The following PHLPP1 variants were observed in gnomAD, a reference collection of about 807,000 sequenced individuals.
PHLPP1 encodes PH domain and leucine rich repeat protein phosphatase 1, also known as PH domain leucine-rich repeat-containing protein phosphatase 1.
PHLPP1 carries 42 observed loss-of-function variants against 117.2 expected under a neutral mutation model. That is an observed-to-expected ratio of 0.36 (90% confidence interval 0.28 to 0.46). The LOEUF is 0.46. Ranked by LOEUF, PHLPP1 falls within the 20% of genes least tolerant of loss-of-function variation. The probability of loss-of-function intolerance (pLI) is 1.00; values close to 1 mark genes in which losing one functional copy is unlikely to be tolerated. For synonymous variants in PHLPP1, 1,042 were observed against 970.7 expected, an observed-to-expected ratio of 1.07 and a Z score of -1.37; for missense variants, 2,084 against 2,241.9, an observed-to-expected ratio of 0.93 and a Z score of 1.42.
chr18:62,880,922 T>C (rs1470242622), intron 4 of PHLPP1, among the ~76,000 whole-genome samples: 1 of 152,232 alleles, frequency 6.6e-6, no homozygotes, highest in Non-Finnish European at 1.5e-5. Context: ...TTCCACTGCG[T>C]ACCTCCCTCT....
intron 4 of PHLPP1, among the ~76,000 whole-genome samples, chr18:62,891,664 C>T (rs1198679161): frequency 6.7e-6 from 1 of 148,400 alleles, no homozygotes; most frequent in Admixed American, 6.8e-5. Flanking sequence ...CCAAGACAGG[C>T]AGATTGCTTG....
At chr18:62,757,800 C>G (rs759005559) in intron 1 of PHLPP1, among the ~76,000 whole-genome samples, 2 of 152,188 alleles carry the variant, frequency 1.3e-5, no homozygotes, top group African/African-American at 2.4e-5. Flanking sequence ...GCGGCTTGCT[C>G]TTTCACCTGC....
intron 1 of PHLPP1, among the ~76,000 whole-genome samples, chr18:62,828,880 C>T (rs1914680753): frequency 6.6e-6 from 1 of 152,284 alleles, no homozygotes; most frequent in East Asian, 1.9e-4. Flanking sequence ...ATTAACTTAT[C>T]TCTGGGCAGA....
At chr18:62,818,989 T>G (rs1914369220) in intron 1 of PHLPP1, among the ~76,000 whole-genome samples, 1 of 152,222 alleles carries the variant, frequency 6.6e-6, no homozygotes, top group Non-Finnish European at 1.5e-5. Flanking sequence ...TTTCCAACAT[T>G]AATGTACAAT....
At chr18:62,756,689 ACTTTTT>A (rs1912031786) in intron 1 of PHLPP1, among the ~76,000 whole-genome samples, 1 of 152,196 alleles carries the variant, frequency 6.6e-6, no homozygotes, top group South Asian at 2.1e-4. Flanking sequence ...AGAAACGGAT[ACTTTTT>A]CTTAAGAAAA....
At chr18:62,721,679 T>G (rs1006677900) in intron 1 of PHLPP1, among the ~76,000 whole-genome samples, 2 of 152,142 alleles carry the variant, frequency 1.3e-5, no homozygotes, top group Non-Finnish European at 2.9e-5. Context: ...ATTCCTAAAT[T>G]CGTGTGTCTT....
intron 4 of PHLPP1, among the ~76,000 whole-genome samples, chr18:62,865,975 C>G (rs922557416): frequency 2.6e-5 from 4 of 152,136 alleles, no homozygotes; most frequent in Middle Eastern, 3.4e-3. Context: ...TGCAACAAAC[C>G]CTCATGACAC....
At chr18:62,807,268 A>T (rs1213099578) in intron 1 of PHLPP1, among the ~76,000 whole-genome samples, 1 of 152,148 alleles carries the variant, frequency 6.6e-6, no homozygotes, top group Non-Finnish European at 1.5e-5. Flanking sequence ...AATCGGTCTT[A>T]GTTTTTCCAG....
At chr18:62,742,190 G>A (rs1003822948) in intron 1 of PHLPP1, among the ~76,000 whole-genome samples, 8 of 152,096 alleles carry the variant, frequency 5.3e-5, no homozygotes, top group African/African-American at 1.4e-4. Context: ...TCAGTAGGAG[G>A]GAGAAAAGAG....
Position 62,978,439 on chromosome 18 carries a change from G to A in PHLPP1, c.4162G>A (p.Ala1388Thr). ...CCTGTCCGTCGAGGAGGCCGTGGAA[G>A]CCGTGCGCAACGTGCCCGATGCCCT... ...DSLSVEEAVE[A>T]VRNVPDALAA... The change falls in exon 17 of 17, where the codon GCC (alanine) becomes ACC (threonine). Residue 1388 changes from alanine (A) to threonine (T), a missense_variant. Coordinates refer to ENST00000262719, the MANE Select transcript of PHLPP1 (RefSeq NM_194449.4). This position sits in a 1 kb window ranked among gnomAD's most constrained non-coding sequence, Gnocchi z 7.0. The A allele has an allele frequency of 1.2e-6, 2 of 1,611,824 alleles. No individual in the cohort carries two copies. The highest frequency in any genetic ancestry group is 1.7e-6 in the Non-Finnish European group (2 of 1,179,070).
intron 2 of PHLPP1, 79 bp downstream of exon 2, chr18:62,830,310 A>C: frequency 3.5e-6 from 4 of 1,148,820 alleles, no homozygotes; most frequent in Non-Finnish European, 4.9e-6. Context: ...GCGTGGTCTC[A>C]ACTCACTGCA....
chr18:62,934,733 T>C (rs1568166488), intron 10 of PHLPP1, among the ~76,000 whole-genome samples: 1 of 152,212 alleles, frequency 6.6e-6, no homozygotes, highest in Non-Finnish European at 1.5e-5. Context: ...TACTTGAACT[T>C]AACTTACCCC....
rs181554641 is a variant in PHLPP1, at chr18:62,940,428, G to A, written c.2961-1290G>A. On this transcript the variant is annotated intron_variant, in intron 10 of 16. Coordinates refer to ENST00000262719, the MANE Select transcript of PHLPP1 (RefSeq NM_194449.4). ...CGCCCAGGCTGGAGTACAGTGGTGC[G>A]ATCTCCGCTCACTGCAAGCTCTGCC... is the stretch of plus-strand genomic sequence containing the variant. Among the ~76,000 whole-genome samples, 1,083 of 124,426 alleles carry A rather than the reference G, an allele frequency of 8.7e-3. 3 individuals carry two copies. Among genetic ancestry groups the A allele is most frequent in the African/African-American group, 0.021 (691 of 32,328 alleles). 81.6% of individuals were successfully genotyped at this position (124,426 alleles called of 152,430 possible).
At chr18:62,809,591 A>G (rs1296236870) in intron 1 of PHLPP1, among the ~76,000 whole-genome samples, 1 of 151,774 alleles carries the variant, frequency 6.6e-6, no homozygotes, top group African/African-American at 2.4e-5. Context: ...AGTCCCAGCA[A>G]CTCCGGAGCC....
chr18:62,948,839 A>G (rs1217218854), intron 12 of PHLPP1, among the ~76,000 whole-genome samples: 1 of 152,158 alleles, frequency 6.6e-6, no homozygotes, highest in African/African-American at 2.4e-5. Context: ...TTTGTGTCAT[A>G]TGAGAATATT....
intron 12 of PHLPP1, among the ~76,000 whole-genome samples, chr18:62,953,654 C>T (rs529962684): frequency 5.9e-5 from 9 of 152,284 alleles, no homozygotes; most frequent in East Asian, 3.9e-4. Context: ...TATTGCCTGC[C>T]GATTTGTAGG....
chr18:62,856,628 C>T (rs575418164), intron 3 of PHLPP1, among the ~76,000 whole-genome samples: 4 of 152,122 alleles, frequency 2.6e-5, no homozygotes, highest in Non-Finnish European at 5.9e-5. Flanking sequence ...AGTTGGTGGT[C>T]TCACTATGTT....
chr18:62,829,916 G>T (rs940854823), intron 1 of PHLPP1, 119 bp from the exon 2 acceptor site: 16 of 635,742 alleles, frequency 2.5e-5, no homozygotes, highest in Non-Finnish European at 3.8e-5. Flanking sequence ...AAATTAGATT[G>T]AATTTATAAT....
intron 1 of PHLPP1, among the ~76,000 whole-genome samples, chr18:62,761,960 C>T (rs561520491): frequency 5.1e-4 from 77 of 152,148 alleles, no homozygotes; most frequent in Non-Finnish European, 1.0e-3. Flanking sequence ...AAATGTCCTA[C>T]ACTCTATCCT....
Sources: gnomAD v4.1 joint callset for allele counts (sites outside exome capture counted in the v4.1 genomes callset) on GRCh38, gnomAD v4.1.1 for gene constraint, Gnocchi (gnomAD v3.1) non-coding constraint, MANE v1.5 for transcripts, NCBI Gene and HGNC (gene_info 2026-07-23, HGNC 2026-07-21) for gene names.